ZNF385D: variants seen among roughly 807,000 people sequenced by gnomAD.
ZNF385D encodes zinc finger protein 385D.
Under a neutral mutation model 35.8 loss-of-function variants are expected in ZNF385D, and 15 were observed. The observed-to-expected ratio is 0.42, with a 90% confidence interval of 0.28 to 0.64. The LOEUF is 0.64. Among genes scored for constraint, ZNF385D ranks in the 30% least tolerant of loss-of-function variants. ZNF385D has a pLI of 0.23. For missense variants in ZNF385D, 474 were observed against 494.6 expected (o/e 0.96, Z 0.39); for synonymous variants, 212 against 186.8 (o/e 1.13, Z -1.10).
intron 3 of ZNF385D, among the ~76,000 whole-genome samples, chr3:22,161,721 G>A (rs546764214): frequency 2.4e-4 from 36 of 152,032 alleles, no homozygotes; most frequent in Non-Finnish European, 4.7e-4. Flanking sequence ...TATTTTATTC[G>A]GCACAAAATA....
intron 3 of ZNF385D, among the ~76,000 whole-genome samples, chr3:21,917,973 A>G (rs1381927501): frequency 6.6e-6 from 1 of 152,222 alleles, no homozygotes. Context: ...GCTATGTAAC[A>G]TATAAATTTA....
intron 2 of ZNF385D, among the ~76,000 whole-genome samples, chr3:21,589,110 T>TA (rs1251688537): frequency 6.6e-6 from 1 of 151,602 alleles, no homozygotes; most frequent in Non-Finnish European, 1.5e-5. Flanking sequence ...TTGGAAAAAA[T>TA]AAGGGATGTG....
intron 2 of ZNF385D, among the ~76,000 whole-genome samples, chr3:21,612,053 C>T (rs2064696701): frequency 6.6e-6 from 1 of 152,038 alleles, no homozygotes; most frequent in South Asian, 2.1e-4. Flanking sequence ...ACCATTTAAT[C>T]TTCAGGAAAT....
At chr3:21,993,444 T>C (rs1247271947) in intron 3 of ZNF385D, among the ~76,000 whole-genome samples, 2 of 152,196 alleles carry the variant, frequency 1.3e-5, no homozygotes, top group African/African-American at 4.8e-5. Flanking sequence ...AAATGAATAA[T>C]CTTATGATTA....
intron 3 of ZNF385D, among the ~76,000 whole-genome samples, chr3:21,991,927 A>G (rs1428494524): frequency 1.3e-5 from 2 of 152,166 alleles, no homozygotes; most frequent in Non-Finnish European, 2.9e-5. Context: ...TATTTTGATG[A>G]ATTATGCACT....
chr3:22,335,185 C>T (rs534005432), intron 2 of ZNF385D, among the ~76,000 whole-genome samples: 6 of 152,200 alleles, frequency 3.9e-5, no homozygotes, highest in East Asian at 1.9e-4. Context: ...GTTATAAGTT[C>T]GGCTGGCACT....
At chr3:21,839,423 G>T (rs946771369) in intron 3 of ZNF385D, among the ~76,000 whole-genome samples, 2 of 152,004 alleles carry the variant, frequency 1.3e-5, no homozygotes, top group African/African-American at 2.4e-5. Context: ...AGTCTTTGGC[G>T]CCTAGCTTCT....
chr3:22,041,993 T>C (rs71312025), intron 3 of ZNF385D, among the ~76,000 whole-genome samples: 23,568 of 152,188 alleles, frequency 0.15, 1,934 homozygotes, highest in East Asian at 0.21. Flanking sequence ...AGTATTTTAT[T>C]GCCTTACAAA....
intron 2 of ZNF385D, among the ~76,000 whole-genome samples, chr3:22,303,830 T>G (rs1703054345): frequency 6.6e-6 from 1 of 152,092 alleles, no homozygotes; most frequent in African/African-American, 2.4e-5. Context: ...CAGGATAGAG[T>G]GCAATGGCGC....
chr3:21,824,194 A>C (rs1694451505), intron 3 of ZNF385D, among the ~76,000 whole-genome samples: 1 of 152,200 alleles, frequency 6.6e-6, no homozygotes, highest in South Asian at 2.1e-4. Context: ...GGAGGCCCTG[A>C]GACTTCTGAG....
At chr3:21,933,139 C>A (rs1291517297) in intron 3 of ZNF385D, among the ~76,000 whole-genome samples, 1 of 152,166 alleles carries the variant, frequency 6.6e-6, no homozygotes, top group Non-Finnish European at 1.5e-5. Flanking sequence ...AAAAACTCGT[C>A]TCAATTTGGA....
At chr3:21,926,958 T>C (rs765380996) in intron 3 of ZNF385D, among the ~76,000 whole-genome samples, 4 of 152,118 alleles carry the variant, frequency 2.6e-5, no homozygotes, top group Non-Finnish European at 5.9e-5. Flanking sequence ...AAATTTTATG[T>C]TGAAATTTGA....
rs530080603 is a variant in ZNF385D, at chr3:22,089,192, A to C, written c.325+79625T>G. 1.7e-3 allele frequency among the ~76,000 whole-genome samples: 257 copies of C among 152,280 alleles called. 1 individual carries two copies. Among genetic ancestry groups the C allele is most frequent in the African/African-American group, 5.7e-3 (239 of 41,572 alleles). On this transcript the variant is annotated intron_variant, in intron 3 of 5. Coordinates refer to the ZNF385D transcript ENST00000494108. The stretch of plus-strand genomic sequence containing the variant: ...GATATGCTTTTAAAAAACTGTCTGT[A>C]AACTGTTTACCATTAGCAAAAATAC...
intron 3 of ZNF385D, among the ~76,000 whole-genome samples, chr3:22,123,952 CTCTCTCTCTCTATATATA>C (rs1297443919): frequency 9.0e-4 from 92 of 102,112 alleles, no homozygotes; most frequent in African/African-American, 2.9e-3. Flanking sequence ...CTCTCTCTCT[CTCTCTCTCTCTATATATA>C]TATATATATA....
intron 3 of ZNF385D, among the ~76,000 whole-genome samples, chr3:22,124,961 C>CT (rs1407599551): frequency 6.6e-6 from 1 of 152,012 alleles, no homozygotes; most frequent in Non-Finnish European, 1.5e-5. Context: ...GTTGCCTGTG[C>CT]TTGTGGGGTA....
intron 3 of ZNF385D, among the ~76,000 whole-genome samples, chr3:21,831,648 A>G (rs1021023031): frequency 2.0e-5 from 3 of 152,212 alleles, no homozygotes; most frequent in Admixed American, 6.5e-5. Flanking sequence ...TTGTAGAAGC[A>G]TAGATAATTG....
At chr3:21,840,043 A>G (rs751792867) in intron 3 of ZNF385D, among the ~76,000 whole-genome samples, 8 of 152,108 alleles carry the variant, frequency 5.3e-5, no homozygotes, top group East Asian at 3.9e-4. Flanking sequence ...GGACCCTGTT[A>G]TAAGTGGAAA....
intron 2 of ZNF385D, among the ~76,000 whole-genome samples, chr3:22,217,680 G>T (rs1003121151): frequency 1.3e-5 from 2 of 152,124 alleles, no homozygotes; most frequent in Admixed American, 6.6e-5. Flanking sequence ...TACATTACAT[G>T]TTATGGCAAA....
At chr3:22,020,496 A>T (rs1697157536) in intron 3 of ZNF385D, among the ~76,000 whole-genome samples, 1 of 152,008 alleles carries the variant, frequency 6.6e-6, no homozygotes, top group Admixed American at 6.6e-5. Flanking sequence ...TCAAAAGAAG[A>T]CATAAAAACG....
Sources: allele counts gnomAD v4.1 joint callset (sites outside exome capture counted in the v4.1 genomes callset), GRCh38; gene constraint gnomAD v4.1.1; transcripts MANE v1.5; gene names NCBI Gene and HGNC (gene_info 2026-07-23, HGNC 2026-07-21).